Variants in IFNGR2 observed in about 807,000 individuals in gnomAD.
The protein encoded by IFNGR2 is IFN-gamma receptor 2.
A neutral mutation model predicts 41.1 loss-of-function variants in IFNGR2; 15 were observed. The ratio of observed to expected loss-of-function variants is 0.37; its 90% CI spans 0.24 to 0.56. IFNGR2 has a LOEUF of 0.56. Among genes scored for constraint, IFNGR2 ranks in the 20% least tolerant of loss-of-function variants. IFNGR2 has a pLI of 0.81. For missense variants in IFNGR2, 362 were observed against 415.7 expected, an observed-to-expected ratio of 0.87 and a Z score of 1.12; for synonymous variants, 161 against 171.6, an observed-to-expected ratio of 0.94 and a Z score of 0.48.
chr21:33,435,435 G>A (rs1407875811), intron 6 of IFNGR2, among the ~76,000 whole-genome samples: 1 of 151,962 alleles, frequency 6.6e-6, no homozygotes, highest in Non-Finnish European at 1.5e-5. Flanking sequence ...TTGCAAGGAA[G>A]AACTTGCTTT....
intron 1 of IFNGR2, among the ~76,000 whole-genome samples, chr21:33,406,503 C>T (rs2083678562): frequency 2.0e-5 from 3 of 152,040 alleles, no homozygotes; most frequent in African/African-American, 7.2e-5. Flanking sequence ...AAAAGAAACA[C>T]TCTTTTAGTC....
chr21:33,433,347 A>C (rs1333727178), intron 6 of IFNGR2, among the ~76,000 whole-genome samples: 1 of 152,224 alleles, frequency 6.6e-6, no homozygotes, highest in African/African-American at 2.4e-5. Flanking sequence ...AACAGCCAAA[A>C]GGTGGAAGCA....
chr21:33,435,859 G>A (rs1440659307), intron 6 of IFNGR2, among the ~76,000 whole-genome samples: 4 of 128,492 alleles, frequency 3.1e-5, no homozygotes, highest in Non-Finnish European at 4.7e-5. Context: ...ACTCCAGCCT[G>A]GCAACAGAGC....
intron 4 of IFNGR2, among the ~76,000 whole-genome samples, chr21:33,428,851 G>GT (rs993619804): frequency 1.6e-4 from 24 of 152,208 alleles, no homozygotes; most frequent in Admixed American, 3.9e-4. Context: ...CCATACTTTT[G>GT]TTTTTTTAGG....
At chr21:33,406,088 A>G (rs770055277) in intron 1 of IFNGR2, among the ~76,000 whole-genome samples, 9 of 151,230 alleles carry the variant, frequency 6.0e-5, no homozygotes, top group Non-Finnish European at 1.0e-4. Flanking sequence ...GAAAAGTAGT[A>G]GCAGCTGGGC....
chr21:33,425,183 G>A (rs1446117398), intron 3 of IFNGR2, among the ~76,000 whole-genome samples: 5 of 152,152 alleles, frequency 3.3e-5, no homozygotes, highest in Non-Finnish European at 5.9e-5. Flanking sequence ...GCCTCCCAAA[G>A]TGCTGGGATT....
chr21:33,432,240 T>C lies in IFNGR2; in HGVS notation c.625T>C (p.Cys209Arg), dbSNP rs775343993. The part of the protein sequence containing the change: ...LDNLKPSRVY[C>R]LQVQAQLLWN... Reference sequence around the variant, plus strand: ...TAACTTAAAACCCTCCAGAGTGTACTGTTTACAAGTCCAGGCACAACTGCT... The same window carrying C: ...TAACTTAAAACCCTCCAGAGTGTACCGTTTACAAGTCCAGGCACAACTGCT... The change falls in exon 5 of 7, where the codon TGT becomes CGT. Residue 209 changes from cysteine (C) to arginine (R), a missense_variant. Physicochemically the swap from Cys to Arg is radical, Grantham distance 180. Transcript: ENST00000290219. The C allele has an allele frequency of 6.2e-7, 1 of 1,613,986 alleles. No homozygotes were observed. Among genetic ancestry groups the C allele is most frequent in the Non-Finnish European group, 8.5e-7 (1 of 1,179,818 alleles).
chr21:33,432,938 T>C (rs1191752848), intron 6 of IFNGR2, 67 bp downstream of exon 6: 1 of 1,336,510 alleles, frequency 7.5e-7, no homozygotes, highest in Admixed American at 1.9e-5. Context: ...CAGGCGGGAG[T>C]GTCATGGTAC....
intron 2 of IFNGR2, among the ~76,000 whole-genome samples, chr21:33,415,470 A>C (rs1473639748): frequency 6.6e-6 from 1 of 152,106 alleles, no homozygotes. Context: ...TCCATTTTGC[A>C]TATTATCCTG....
intron 2 of IFNGR2, among the ~76,000 whole-genome samples, chr21:33,419,851 G>T (rs1004791573): frequency 2.6e-5 from 4 of 152,216 alleles, no homozygotes; most frequent in African/African-American, 4.8e-5. Context: ...CAGTGGCAGG[G>T]GTTTGGGGGA....
At chr21:33,419,839 G>A (rs1029996852) in intron 2 of IFNGR2, among the ~76,000 whole-genome samples, 7 of 152,308 alleles carry the variant, frequency 4.6e-5, no homozygotes, top group Admixed American at 2.0e-4. Context: ...GCTGAGCCCC[G>A]GCAGTGGCAG....
At chr21:33,408,177 A>T (rs2083691432) in intron 1 of IFNGR2, among the ~76,000 whole-genome samples, 1 of 151,938 alleles carries the variant, frequency 6.6e-6, no homozygotes, top group Non-Finnish European at 1.5e-5. Context: ...TGCTGTTAAG[A>T]CCCAGGATAT....
chr21:33,432,587 G>A (rs1050780770), intron 5 of IFNGR2, 127 bp from the exon 6 acceptor site: 1 of 1,050,534 alleles, frequency 9.5e-7, no homozygotes, highest in Admixed American at 1.7e-5. Flanking sequence ...GTGAGGGTGG[G>A]GGGTAGAGGG....
At chr21:33,420,489 T>C (rs1257931237) in intron 2 of IFNGR2, among the ~76,000 whole-genome samples, 1 of 152,076 alleles carries the variant, frequency 6.6e-6, no homozygotes, top group East Asian at 1.9e-4. Context: ...TTGGCAAGGT[T>C]TTCATATGGG....
rs573104548 is a variant in IFNGR2 at position 33,436,952 on chromosome 21, A to G, written c.1004A>G (p.Gln335Arg). ...GAAAAGGAGCAAGAAGATGTTCTCCAAACGCTTTGAACCAAAGCATGGGCC... is the reference window on the plus strand; with the variant it reads ...GAAAAGGAGCAAGAAGATGTTCTCCGAACGCTTTGAACCAAAGCATGGGCC... ...FPEKEQEDVL[Q>R]TL Residue 335 changes from glutamine to arginine, a missense_variant, in exon 7 of 7, where the codon CAA (glutamine) becomes CGA (arginine). Coordinates refer to ENST00000290219, the MANE Select transcript of IFNGR2 (RefSeq NM_005534.4). 1.9e-6 allele frequency: 3 copies of G among 1,614,032 alleles called. No individual in the cohort carries two copies. In the African/African-American group the frequency reaches 4.0e-5, roughly 22 times the overall value.
At chr21:33,417,600 C>T (rs1389171199) in intron 2 of IFNGR2, among the ~76,000 whole-genome samples, 1 of 152,158 alleles carries the variant, frequency 6.6e-6, no homozygotes, top group Non-Finnish European at 1.5e-5. Flanking sequence ...AAATGTGAGA[C>T]CCTTTATTTA....
chr21:33,410,164 TA>T (rs1158280900), intron 1 of IFNGR2, among the ~76,000 whole-genome samples: 9 of 140,910 alleles, frequency 6.4e-5, no homozygotes, highest in Non-Finnish European at 1.1e-4. Context: ...TTAATTACAA[TA>T]ATTTTTTTTT....
chr21:33,405,119 A>G (rs1025998464), intron 1 of IFNGR2, among the ~76,000 whole-genome samples: 13 of 151,314 alleles, frequency 8.6e-5, no homozygotes, highest in East Asian at 3.9e-4. Flanking sequence ...AAAAAAAAAA[A>G]AAAAGAAAAA....
chr21:33,417,278 T>A (rs1175156246), intron 2 of IFNGR2, among the ~76,000 whole-genome samples: 1 of 152,034 alleles, frequency 6.6e-6, no homozygotes, highest in Non-Finnish European at 1.5e-5. Context: ...TTTGAAGAGA[T>A]GGGGTTTTGC....
Sources: allele counts gnomAD v4.1 joint callset (sites outside exome capture counted in the v4.1 genomes callset), GRCh38; gene constraint gnomAD v4.1.1; transcripts MANE v1.5; gene names NCBI Gene and HGNC (gene_info 2026-07-23, HGNC 2026-07-21).